Variants in FBXO11 observed in about 807,000 individuals in gnomAD.
The protein encoded by FBXO11 is F-box only protein 11.
In FBXO11, 13 loss-of-function variants were observed where a neutral mutation model predicts 117.0. That is an observed-to-expected ratio of 0.11 (90% CI 0.07 to 0.18). The LOEUF (loss-of-function observed/expected upper bound fraction) is 0.18, where lower values mean the gene tolerates loss of function less well. FBXO11 is among the 10% of genes least tolerant of loss of function. The probability of loss-of-function intolerance (pLI) is 1.00; values close to 1 mark genes in which losing one functional copy is unlikely to be tolerated. For missense variants in FBXO11, 767 were observed against 1,164.4 expected (o/e 0.66, Z 4.97); for synonymous variants, 490 against 380.5 (o/e 1.29, Z -3.35).
intron 1 of FBXO11, among the ~76,000 whole-genome samples, chr2:47,845,092 C>A (rs1424571690): frequency 6.6e-6 from 1 of 152,200 alleles, no homozygotes; most frequent in African/African-American, 2.4e-5. Flanking sequence ...CTCCCTCCTC[C>A]TTTCCTCACC....
intron 1 of FBXO11, among the ~76,000 whole-genome samples, chr2:47,857,349 G>A (rs1674379269): frequency 6.6e-6 from 1 of 151,892 alleles, no homozygotes; most frequent in African/African-American, 2.4e-5. Context: ...TCAAACTCTT[G>A]GCTTCAAGTG....
chr2:47,905,566 T>TGCTGCTGCGGCGGCGGCGGAG lies in FBXO11; in HGVS notation c.134_154dup (p.Pro45_Gln51dup), dbSNP rs1003713657. On this transcript the variant is annotated inframe_insertion, in exon 1 of 23. Coordinates refer to ENST00000403359, the MANE Select transcript of FBXO11 (RefSeq NM_001190274.2). ...CGGCGGCGGAGGCTGCTGCTGCTGCTGCTGCTGCGGCGGCGGCGGAGGCTG... is the reference window on the plus strand; with the variant it reads ...CGGCGGCGGAGGCTGCTGCTGCTGCTGCTGCTGCGGCGGCGGCGGAGGCTGCTGCGGCGGCGGCGGAGGCTG... The TGCTGCTGCGGCGGCGGCGGAG allele has an allele frequency of 3.2e-6, 4 of 1,250,970 alleles. No individual in the cohort carries two copies. Among genetic ancestry groups the TGCTGCTGCGGCGGCGGCGGAG allele is most frequent in the Admixed American group, 4.2e-5 (1 of 24,036 alleles). The allele number at this position is 1,250,970 out of a possible 1,614,324, so 77.5% of individuals were successfully genotyped here.
At chr2:47,886,483 G>A (rs1676857220) in intron 1 of FBXO11, among the ~76,000 whole-genome samples, 1 of 147,604 alleles carries the variant, frequency 6.8e-6, no homozygotes, top group Non-Finnish European at 1.5e-5. Context: ...TCCAGCATGG[G>A]AGACAGAGCG....
At chr2:47,835,283 G>A (rs898263039) in intron 5 of FBXO11, among the ~76,000 whole-genome samples, 1 of 152,122 alleles carries the variant, frequency 6.6e-6, no homozygotes, top group African/African-American at 2.4e-5. Context: ...ACTCACTCAC[G>A]AAGGGCCGTA....
Position 47,905,552 on chromosome 2 carries a change from G to T in FBXO11, c.169C>A (p.Pro57Thr). 8.5e-7 allele frequency: 1 copy of T among 1,179,098 alleles called. No homozygotes were observed. 73.0% of individuals were successfully genotyped at this position (1,179,098 alleles called of 1,614,324 possible). Residue 57 changes from proline to threonine, a missense_variant, in exon 1 of 23, where the codon CCT (proline) becomes ACT (threonine). Around this residue, in one of 10 missense-constraint regions of FBXO11, gnomAD observed 355 missense variants for 299.8 expected, o/e 1.18. Coordinates refer to ENST00000403359, the MANE Select transcript of FBXO11 (RefSeq NM_001190274.2). ...GGAGGCGGCGGTGGCGGCGGCGGAG[G>T]CTGCTGCTGCTGCTGCTGCTGCGGC... is the stretch of plus-strand genomic sequence containing the variant. Reference protein sequence around the residue: ...PPPQQQQQQQPPPPPPPPPPL... With the variant: ...PPPQQQQQQQTPPPPPPPPPL...
intron 1 of FBXO11, among the ~76,000 whole-genome samples, chr2:47,892,845 T>A (rs1274704677): frequency 2.0e-5 from 3 of 152,156 alleles, no homozygotes; most frequent in Admixed American, 6.5e-5. Context: ...CAGTTAATTT[T>A]CTTATCTAGG....
chr2:47,823,071 G>T, intron 12 of FBXO11, 72 bp downstream of exon 12: 5 of 1,095,270 alleles, frequency 4.6e-6, no homozygotes, highest in Non-Finnish European at 6.5e-6. Flanking sequence ...AAGAGTTAAA[G>T]CTCAATATCT....
intron 4 of FBXO11, chr2:47,837,033 T>C: frequency 8.2e-6 from 2 of 243,220 alleles, no homozygotes; most frequent in South Asian, 7.5e-5. Flanking sequence ...CCACTTCGCC[T>C]AGCCTAAAAA....
At chr2:47,896,575 C>T (rs977661512) in intron 1 of FBXO11, among the ~76,000 whole-genome samples, 2 of 152,106 alleles carry the variant, frequency 1.3e-5, no homozygotes, top group African/African-American at 4.8e-5. Flanking sequence ...AGCGATCCAC[C>T]CCACCCAGCC....
intron 21 of FBXO11, 43 bp downstream of exon 21, chr2:47,809,115 T>A (rs1424947019): frequency 8.1e-7 from 1 of 1,239,230 alleles, no homozygotes; most frequent in East Asian, 2.4e-5. Context: ...AAAAAGGAAA[T>A]CAGTCTTCCT....
chr2:47,883,524 GA>G, intron 1 of FBXO11: 2 of 391,260 alleles, frequency 5.1e-6, no homozygotes, highest in South Asian at 2.1e-5. Context: ...GGATACAACA[GA>G]AAATGTAAAG....
chr2:47,887,465 T>C (rs1160375262), intron 1 of FBXO11, among the ~76,000 whole-genome samples: 1 of 152,114 alleles, frequency 6.6e-6, no homozygotes, highest in African/African-American at 2.4e-5. Flanking sequence ...CAGTGGCTTA[T>C]ACCTGTAATC....
At chr2:47,818,933 C>A in intron 15 of FBXO11, 23 bp downstream of exon 15, 1 of 1,600,802 alleles carries the variant, frequency 6.2e-7, no homozygotes, top group Non-Finnish European at 8.5e-7. Context: ...TATTTCCCAT[C>A]CAAGAGTCCA....
chr2:47,903,536 G>A (rs1667234774), intron 1 of FBXO11, among the ~76,000 whole-genome samples: 1 of 152,092 alleles, frequency 6.6e-6, no homozygotes, highest in African/African-American at 2.4e-5. Flanking sequence ...TAATAATTTT[G>A]AACAAATGAA....
intron 20 of FBXO11, 40 bp from the exon 21 acceptor site, chr2:47,809,306 G>A (rs764743472): frequency 1.5e-6 from 2 of 1,321,350 alleles, no homozygotes; most frequent in Non-Finnish European, 2.1e-6. Flanking sequence ...TCAGAGGAAT[G>A]TTAATATTTT....
chr2:47,880,513 T>C (rs961153596), intron 1 of FBXO11, among the ~76,000 whole-genome samples: 1 of 152,230 alleles, frequency 6.6e-6, no homozygotes, highest in Non-Finnish European at 1.5e-5. Flanking sequence ...GTCCAGTGTT[T>C]TAATTTATAA....
At chr2:47,878,600 A>C (rs1169597434) in intron 1 of FBXO11, among the ~76,000 whole-genome samples, 1 of 151,400 alleles carries the variant, frequency 6.6e-6, no homozygotes, top group African/African-American at 2.4e-5. Flanking sequence ...CGAACTCCTC[A>C]ATCTGCCCAC....
intron 11 of FBXO11, among the ~76,000 whole-genome samples, chr2:47,832,088 C>A (rs756964018): frequency 5.3e-5 from 8 of 152,238 alleles, no homozygotes; most frequent in Non-Finnish European, 8.8e-5. Context: ...ACATTTGAGA[C>A]TTAATTAACG....
intron 1 of FBXO11, among the ~76,000 whole-genome samples, chr2:47,863,868 G>C (rs546249082): frequency 6.6e-6 from 1 of 151,972 alleles, no homozygotes; most frequent in Admixed American, 6.5e-5. Flanking sequence ...TTGAACCCTG[G>C]AGGTGGAGGT....
Sources: allele counts gnomAD v4.1 joint callset (sites outside exome capture counted in the v4.1 genomes callset), GRCh38; gene constraint gnomAD v4.1.1; regional missense constraint gnomAD v4.1.1; transcripts MANE v1.5; gene names NCBI Gene and HGNC (gene_info 2026-07-23, HGNC 2026-07-21).